Variants in PRKAA2 observed in about 807,000 individuals in gnomAD.
PRKAA2 encodes the protein protein kinase AMP-activated catalytic subunit alpha 2, also known as 5'-AMP-activated protein kinase catalytic subunit alpha-2.
PRKAA2 carries 40 observed loss-of-function variants against 56.3 expected under a neutral mutation model. That is an observed-to-expected ratio of 0.71 (90% CI 0.55 to 0.92). PRKAA2 has a LOEUF of 0.92. Among genes scored for constraint, PRKAA2 ranks in the 40% least tolerant of loss-of-function variants. The pLI, the probability that PRKAA2 is intolerant of heterozygous loss-of-function variation, is 0.00. For missense variants in PRKAA2, 542 were observed against 686.9 expected (o/e 0.79, Z 2.36); for synonymous variants, 214 against 234.2 (o/e 0.91, Z 0.79).
intron 1 of PRKAA2, among the ~76,000 whole-genome samples, chr1:56,667,595 T>C (rs1304602496): frequency 6.6e-6 from 1 of 152,202 alleles, no homozygotes; most frequent in Non-Finnish European, 1.5e-5. Flanking sequence ...ATTTAAATAC[T>C]GATTTTGTCC....
At chr1:56,657,085 G>A (rs1053437226) in intron 1 of PRKAA2, among the ~76,000 whole-genome samples, 1 of 152,192 alleles carries the variant, frequency 6.6e-6, no homozygotes, top group African/African-American at 2.4e-5. Flanking sequence ...CATTCCTAGA[G>A]ATATCATTGT....
At chr1:56,696,210 A>AT in intron 6 of PRKAA2, 51 bp downstream of exon 6, 1 of 1,501,922 alleles carries the variant, frequency 6.7e-7, no homozygotes, top group Non-Finnish European at 9.2e-7. Flanking sequence ...AGGAATAATA[A>AT]TGTTAATTAA....
intron 1 of PRKAA2, among the ~76,000 whole-genome samples, chr1:56,661,310 A>T (rs746551102): frequency 2.6e-5 from 4 of 152,198 alleles, no homozygotes; most frequent in African/African-American, 9.6e-5. Flanking sequence ...TGATAAAGAC[A>T]TGGAAAATGA....
At chr1:56,664,897 TAC>T (rs1351268239) in intron 1 of PRKAA2, among the ~76,000 whole-genome samples, 1 of 128,574 alleles carries the variant, frequency 7.8e-6, no homozygotes, top group Non-Finnish European at 1.7e-5. Flanking sequence ...CACACATATA[TAC>T]ATACATACAA....
intron 1 of PRKAA2, among the ~76,000 whole-genome samples, chr1:56,662,284 A>C (rs564606283): frequency 1.1e-4 from 16 of 152,282 alleles, no homozygotes; most frequent in Admixed American, 3.3e-4. Context: ...CTTTTGATTA[A>C]AAAGGAAACA....
intron 2 of PRKAA2, among the ~76,000 whole-genome samples, chr1:56,677,270 C>T (rs1395278778): frequency 1.3e-5 from 2 of 152,202 alleles, no homozygotes; most frequent in Non-Finnish European, 2.9e-5. Context: ...AGATGGTTTT[C>T]ACTTAACTGA....
chr1:56,655,280 A>ATATATATATATTTTTTTTTTT lies in PRKAA2; in HGVS notation c.94+9800_94+9801insATATATATATTTTTTTTTTTT. On this transcript the variant is annotated intron_variant, in intron 1 of 8. Transcript: ENST00000371244. ...TGTATTTATATATCTATATATATAT[A>ATATATATATATTTTTTTTTTT]TTTTTTTTTTTTTTTTGTAGAGACA... Among the ~76,000 whole-genome samples the ATATATATATATTTTTTTTTTT allele has an allele frequency of 1.8e-4, 17 of 93,636 alleles. No individual in the cohort carries two copies. The East Asian group carries it at 2.8e-3, about 15-fold the overall frequency. 61.4% of individuals were successfully genotyped at this position (93,636 alleles called of 152,430 possible).
chr1:56,656,795 C>T (rs1643948534), intron 1 of PRKAA2, among the ~76,000 whole-genome samples: 1 of 152,164 alleles, frequency 6.6e-6, no homozygotes, highest in Non-Finnish European at 1.5e-5. Flanking sequence ...TTGGTTATGC[C>T]ATCCTGACGT....
chr1:56,688,559 C>G (rs934586362), intron 2 of PRKAA2, among the ~76,000 whole-genome samples: 1 of 152,126 alleles, frequency 6.6e-6, no homozygotes, highest in Non-Finnish European at 1.5e-5. Flanking sequence ...AGGGCTCACT[C>G]AGGTCATAGT....
At chr1:56,652,776 C>T (rs1242034008) in intron 1 of PRKAA2, among the ~76,000 whole-genome samples, 1 of 152,102 alleles carries the variant, frequency 6.6e-6, no homozygotes, top group African/African-American at 2.4e-5. Flanking sequence ...AGATGCATGG[C>T]AATTGTAGGT....
At chr1:56,652,708 A>C (rs1643911741) in intron 1 of PRKAA2, among the ~76,000 whole-genome samples, 1 of 152,198 alleles carries the variant, frequency 6.6e-6, no homozygotes, top group African/African-American at 2.4e-5. Flanking sequence ...GAGGTATATA[A>C]AATGGCTTTG....
In PRKAA2 at chr1:56,674,535, G is replaced by C. The variant is rs759783911; in HGVS notation, c.236+13G>C. On this transcript the variant is annotated intron_variant, in intron 2 of 8. Coordinates refer to ENST00000371244, the MANE Select transcript of PRKAA2 (RefSeq NM_006252.4). ...ATATTATCAAACTGTAAGTATTTTTGTATCTAATAATACCAAAGAGACACC... is the reference window on the plus strand; with the variant it reads ...ATATTATCAAACTGTAAGTATTTTTCTATCTAATAATACCAAAGAGACACC... The C allele has an allele frequency of 6.8e-7, 1 of 1,465,248 alleles. No individual in the cohort carries two copies. The highest frequency in any genetic ancestry group is 9.2e-7 in the Non-Finnish European group (1 of 1,088,338). The allele number at this position is 1,465,248 out of a possible 1,614,324, so 90.8% of individuals were successfully genotyped here.
In PRKAA2 at chr1:56,683,358, G is replaced by A. The variant is rs182214369; in HGVS notation, c.237-8036G>A. Among the ~76,000 whole-genome samples the A allele has an allele frequency of 1.6e-4, 25 of 152,158 alleles. No individual in the cohort carries two copies. In the East Asian group the frequency reaches 4.6e-3, roughly 28 times the overall value. ...TAGCTCCATAATGACATTTGAACAA[G>A]GTCCTGATGGCTCTAGGAGTCCAAG... On this transcript the variant is annotated intron_variant, in intron 2 of 8. Coordinates refer to ENST00000371244, the MANE Select transcript of PRKAA2 (RefSeq NM_006252.4).
In PRKAA2 at chr1:56,696,095, G is replaced by A. The variant is rs1031612391; in HGVS notation, c.724G>A (p.Ala242Thr). 4 of 1,613,344 alleles carry A rather than the reference G, an allele frequency of 2.5e-6. No homozygotes were observed. Among genetic ancestry groups the A allele is most frequent in the Non-Finnish European group, 1.7e-6 (2 of 1,179,888 alleles). Residue 242 changes from alanine to threonine, a missense_variant, in exon 6 of 9, where the codon GCC (alanine) becomes ACC (threonine). Physicochemically the swap from Ala to Thr is moderately conservative, Grantham distance 58. Coordinates refer to ENST00000371244, the MANE Select transcript of PRKAA2 (RefSeq NM_006252.4). ...YIPEYLNRSVATLLMHMLQVD... is the reference protein window; with the variant it reads ...YIPEYLNRSVTTLLMHMLQVD... ...CCCAGAATATCTCAATCGTTCTGTC[G>A]CCACTCTCCTGATGCATATGCTGCA... is the stretch of plus-strand genomic sequence containing the variant.
At chr1:56,701,800 C>T (rs895694524) in intron 6 of PRKAA2, among the ~76,000 whole-genome samples, 9 of 150,872 alleles carry the variant, frequency 6.0e-5, no homozygotes, top group Admixed American at 2.6e-4. Flanking sequence ...AGGCTGAGGC[C>T]GGAGAATGGC....
chr1:56,680,069 G>A (rs2796504), intron 2 of PRKAA2, among the ~76,000 whole-genome samples: 150,137 of 152,282 alleles, frequency 0.99, 74,013 homozygotes, highest in East Asian at 1. Context: ...GCTCAACAGT[G>A]GGCTATTAGT....
intron 1 of PRKAA2, among the ~76,000 whole-genome samples, chr1:56,653,116 T>C (rs1389927857): frequency 6.8e-6 from 1 of 146,694 alleles, no homozygotes; most frequent in Non-Finnish European, 1.5e-5. Context: ...ATTATGCAAA[T>C]TCTAAACAAG....
At chr1:56,674,636 C>A in intron 2 of PRKAA2, 114 bp downstream of exon 2, 1 of 927,442 alleles carries the variant, frequency 1.1e-6, no homozygotes, top group Non-Finnish European at 1.5e-6. Flanking sequence ...TTTTCATGTT[C>A]ATATTCAGCA....
chr1:56,673,123 G>T (rs1162938038), intron 1 of PRKAA2, among the ~76,000 whole-genome samples: 2 of 152,162 alleles, frequency 1.3e-5, no homozygotes, highest in Non-Finnish European at 1.5e-5. Context: ...TGTAATCCCT[G>T]CACTTTGGGA....
Sources: allele counts gnomAD v4.1 joint callset (sites outside exome capture counted in the v4.1 genomes callset), GRCh38; gene constraint gnomAD v4.1.1; transcripts MANE v1.5; gene names NCBI Gene and HGNC (gene_info 2026-07-23, HGNC 2026-07-21).